Variants in ITPR2 observed in about 807,000 individuals in gnomAD.
ITPR2 encodes inositol 1,4,5-trisphosphate-gated calcium channel ITPR2.
Under a neutral mutation model 317.1 loss-of-function variants are expected in ITPR2, and 207 were observed. The ratio of observed to expected loss-of-function variants is 0.65; its 90% CI spans 0.58 to 0.73. ITPR2 has a LOEUF of 0.73. Among genes scored for constraint, ITPR2 ranks in the 30% least tolerant of loss-of-function variants. The pLI is 0.00. For missense variants in ITPR2, 2,613 were observed against 3,284.0 expected (o/e 0.80, Z 4.99); for synonymous variants, 1,156 against 1,149.1 (o/e 1.01, Z -0.12).
At chr12:26,426,431 T>G (rs1592012832) in intron 49 of ITPR2, among the ~76,000 whole-genome samples, 1 of 152,202 alleles carries the variant, frequency 6.6e-6, no homozygotes, top group East Asian at 1.9e-4. Context: ...CATGTAAACA[T>G]TTTCTGAATG....
intron 15 of ITPR2, among the ~76,000 whole-genome samples, chr12:26,663,062 A>G (rs1210954793): frequency 6.6e-6 from 1 of 152,150 alleles, no homozygotes; most frequent in East Asian, 1.9e-4. Context: ...GGGTTCCCTG[A>G]CCTCAGCAGT....
intron 47 of ITPR2, 99 bp from the exon 48 acceptor site, chr12:26,436,445 T>C: frequency 9.8e-7 from 1 of 1,022,972 alleles, no homozygotes; most frequent in Non-Finnish European, 1.4e-6. Flanking sequence ...TGCATCATTT[T>C]TGTAAACTAT....
chr12:26,695,453 A>G, intron 10 of ITPR2, 153 bp downstream of exon 10: 1 of 619,676 alleles, frequency 1.6e-6, no homozygotes, highest in Non-Finnish European at 2.9e-6. Context: ...TCATAATCTA[A>G]GCCATATCAT....
rs1442285107 is a variant in ITPR2, at chr12:26,580,140, T to C, written c.4396A>G (p.Thr1466Ala). The C allele has an allele frequency of 6.2e-6, 10 of 1,611,760 alleles. No homozygotes were observed. Among genetic ancestry groups the C allele is most frequent in the Non-Finnish European group, 8.5e-6 (10 of 1,178,670 alleles). The part of the protein sequence containing the change: ...VDMARVCNTT[T>A]DRKHADIFLE... ...AAGATGTCTGCATGTTTCCTGTCTG[T>C]AGTTGTGTTGCAAACCTGGAGAGAA... Residue 1466 changes from threonine to alanine, a missense_variant, in exon 33 of 57, where the codon ACA becomes GCA. Physicochemically the swap from Thr to Ala is moderately conservative, Grantham distance 58. This residue lies in a region of ITPR2 where 926 missense variants were observed against 1,072.8 expected (regional missense o/e 0.86). Transcript: ENST00000381340.
At chr12:26,348,977 A>C (rs1938394720) in intron 55 of ITPR2, among the ~76,000 whole-genome samples, 1 of 152,162 alleles carries the variant, frequency 6.6e-6, no homozygotes, top group Non-Finnish European at 1.5e-5. Flanking sequence ...GCAAGACCTC[A>C]TCTCTACTAA....
At chr12:26,756,679 T>C (rs1335535373) in intron 2 of ITPR2, among the ~76,000 whole-genome samples, 1 of 152,232 alleles carries the variant, frequency 6.6e-6, no homozygotes, top group East Asian at 1.9e-4. Context: ...GAGATGCTAA[T>C]AGGCAGAAAT....
At chr12:26,360,565 GCC>G (rs1938794558) in intron 55 of ITPR2, among the ~76,000 whole-genome samples, 1 of 152,182 alleles carries the variant, frequency 6.6e-6, no homozygotes, top group Non-Finnish European at 1.5e-5. Flanking sequence ...GTGAATACAT[GCC>G]TACTTAACTT....
chr12:26,543,246 TCAC>T (rs1189114298), intron 37 of ITPR2, among the ~76,000 whole-genome samples: 1 of 152,098 alleles, frequency 6.6e-6, no homozygotes, highest in Non-Finnish European at 1.5e-5. Flanking sequence ...CATTAGCAAC[TCAC>T]CACTACACAG....
At chr12:26,405,377 G>A (rs1940316081) in intron 52 of ITPR2, among the ~76,000 whole-genome samples, 2 of 152,052 alleles carry the variant, frequency 1.3e-5, no homozygotes, top group Admixed American at 6.6e-5. Flanking sequence ...GAAAAGTTTT[G>A]GTTTTAAAAC....
intron 37 of ITPR2, among the ~76,000 whole-genome samples, chr12:26,511,677 A>G (rs1232124091): frequency 6.6e-6 from 1 of 152,150 alleles, no homozygotes; most frequent in African/African-American, 2.4e-5. Context: ...TGACATAAAC[A>G]TTCTTTATTC....
intron 37 of ITPR2, among the ~76,000 whole-genome samples, chr12:26,516,888 AG>A (rs1943536573): frequency 1.3e-5 from 2 of 152,102 alleles, no homozygotes; most frequent in Non-Finnish European, 2.9e-5. Context: ...AGAACGTAAA[AG>A]AAAAAAAAGA....
intron 37 of ITPR2, among the ~76,000 whole-genome samples, chr12:26,520,174 T>C (rs1385493811): frequency 3.3e-5 from 5 of 152,238 alleles, no homozygotes; most frequent in African/African-American, 1.2e-4. Flanking sequence ...ATACCAGTTA[T>C]TGAGCTGTTG....
At chr12:26,340,415 CCA>C (rs1938070386) in intron 55 of ITPR2, 87 bp from the exon 56 acceptor site, 2 of 1,337,588 alleles carry the variant, frequency 1.5e-6, no homozygotes, top group Non-Finnish European at 2.0e-6. Context: ...AACATTTAAA[CCA>C]AAGTCTCTTA....
chr12:26,636,583 T>A (rs1385743916), intron 21 of ITPR2, among the ~76,000 whole-genome samples: 3 of 152,256 alleles, frequency 2.0e-5, no homozygotes, highest in African/African-American at 7.2e-5. Context: ...TCATCTTTCA[T>A]CAAGTTGAGT....
chr12:26,695,731 TATTC>T, intron 9 of ITPR2, 81 bp from the exon 10 acceptor site: 2 of 732,418 alleles, frequency 2.7e-6, no homozygotes, highest in Non-Finnish European at 4.3e-6. Flanking sequence ...ATTCAATTAA[TATTC>T]TATCCTCAAC....
At chr12:26,459,211 G>T (rs539132026) in intron 45 of ITPR2, among the ~76,000 whole-genome samples, 1 of 152,128 alleles carries the variant, frequency 6.6e-6, no homozygotes, top group Admixed American at 6.6e-5. Flanking sequence ...TATATTTAGG[G>T]AACAAATAAC....
At chr12:26,661,831 C>T (rs999505427) in intron 15 of ITPR2, among the ~76,000 whole-genome samples, 2 of 152,152 alleles carry the variant, frequency 1.3e-5, no homozygotes, top group African/African-American at 4.8e-5. Flanking sequence ...ATACTGGGAG[C>T]ATCCCCTAAC....
intron 9 of ITPR2, among the ~76,000 whole-genome samples, chr12:26,698,010 C>T (rs1160378460): frequency 3.3e-5 from 5 of 151,854 alleles, no homozygotes; most frequent in Non-Finnish European, 5.9e-5. Context: ...GGAAGGTATC[C>T]AGAAATGATA....
chr12:26,566,062 G>A (rs1434724306), intron 34 of ITPR2, among the ~76,000 whole-genome samples: 4 of 137,404 alleles, frequency 2.9e-5, no homozygotes, highest in South Asian at 2.6e-4. Flanking sequence ...GAGAGGAGAA[G>A]GAGAGGAAAG....
Sources: gnomAD v4.1 joint callset for allele counts (sites outside exome capture counted in the v4.1 genomes callset) on GRCh38, gnomAD v4.1.1 for gene constraint, gnomAD v4.1.1 regional missense constraint, MANE v1.5 for transcripts, NCBI Gene and HGNC (gene_info 2026-07-23, HGNC 2026-07-21) for gene names.